The following WDR17 variants were observed in gnomAD, a reference collection of about 807,000 sequenced individuals.
WDR17 encodes WD repeat domain 17.
A neutral mutation model predicts 161.7 loss-of-function variants in WDR17; 143 were observed. The observed-to-expected ratio is 0.88, with a 90% confidence interval of 0.77 to 1.02. The LOEUF (loss-of-function observed/expected upper bound fraction) is 1.02, where lower values mean the gene tolerates loss of function less well. Ranked by LOEUF, WDR17 falls within the 50% of genes least tolerant of loss-of-function variation. The pLI is 0.00. For synonymous variants in WDR17, 517 were observed against 515.6 expected (o/e 1.00, Z -0.04); for missense variants, 1,469 against 1,520.9 (o/e 0.97, Z 0.57).
In WDR17 at chr4:176,148,478, G is replaced by A. The variant is rs932744487; in HGVS notation, c.1897+143G>A. The A allele has an allele frequency of 2.8e-5, 21 of 743,182 alleles. No individual in the cohort carries two copies. The African/African-American group carries it at 3.0e-4, about 11-fold the overall frequency. The allele number at this position is 743,182 out of a possible 1,614,324, so 46.0% of individuals were successfully genotyped here. ...ATTTTTCACATTAGAAAATATACAC[G>A]TTTATTATTATAATACCAGAATGTG... On this transcript the variant is annotated intron_variant, in intron 13 of 28. Transcript: ENST00000508596.
Position 176,125,269 on chromosome 4 carries a change from T to C in WDR17, c.704T>C (p.Ile235Thr), listed in dbSNP as rs2126736321. 1 of 1,614,158 alleles carries C rather than the reference T, an allele frequency of 6.2e-7. No homozygotes were observed. The highest frequency in any genetic ancestry group is 1.1e-5 in the South Asian group (1 of 91,076). ...RLVDSESLSC[I>T]TTFNLPSAAA... ...GTAGATTCTGAATCACTTTCTTGCA[T>C]AACAACATTTAATCTTCCCAGTGCA... The change falls in exon 5 of 29, where the codon ATA (isoleucine) becomes ACA (threonine). Residue 235 changes from isoleucine to threonine, a missense_variant. Physicochemically the swap from Ile to Thr is moderately conservative, Grantham distance 89 (BLOSUM62 -1). Transcript: ENST00000508596.
rs895586879 is a variant in WDR17 at position 176,179,932 on chromosome 4, C to T, written c.*353C>T. 1 of 152,544 alleles carries T rather than the reference C, an allele frequency of 6.6e-6. No homozygotes were observed. Among genetic ancestry groups the T allele is most frequent in the African/African-American group, 2.4e-5 (1 of 41,384 alleles). The allele number at this position is 152,544 out of a possible 1,614,324, so 9.4% of individuals were successfully genotyped here. On this transcript the variant is annotated 3_prime_UTR_variant, in exon 29 of 29. Transcript: ENST00000508596. ...TATTGAAACATATTAAATTGTGCAA[C>T]ACCTAGAATAGTGCTAGACATACAG...
chr4:176,170,316 C>CT (rs34343977), intron 23 of WDR17, among the ~76,000 whole-genome samples: 136 of 125,134 alleles, frequency 1.1e-3, no homozygotes, highest in Middle Eastern at 4.1e-3. Flanking sequence ...TTTCTTTTTT[C>CT]TTTTTTTTTT....
At chr4:176,085,622 C>G (rs968316611) in intron 1 of WDR17, among the ~76,000 whole-genome samples, 1 of 151,862 alleles carries the variant, frequency 6.6e-6, no homozygotes, top group South Asian at 2.1e-4. Flanking sequence ...TTTTTTATGT[C>G]AGTAAGTTCT....
At chr4:176,075,695 A>C (rs1379833120) in intron 1 of WDR17, among the ~76,000 whole-genome samples, 8 of 152,136 alleles carry the variant, frequency 5.3e-5, no homozygotes, top group Non-Finnish European at 7.4e-5. Flanking sequence ...CATGTATGAT[A>C]CTTTGGCAAA....
chr4:176,105,852 T>C (rs1738628806), intron 1 of WDR17, among the ~76,000 whole-genome samples: 1 of 151,066 alleles, frequency 6.6e-6, no homozygotes, highest in African/African-American at 2.4e-5. Flanking sequence ...AAGGATATAA[T>C]ATCTAAGCAG....
chr4:176,109,567 A>G (rs1421331827), intron 1 of WDR17, among the ~76,000 whole-genome samples: 1 of 152,212 alleles, frequency 6.6e-6, no homozygotes, highest in African/African-American at 2.4e-5. Context: ...GAATTGGAGA[A>G]GAGAAGAGGA....
chr4:176,144,368 A>T (rs1181695306), intron 11 of WDR17, among the ~76,000 whole-genome samples: 1 of 152,194 alleles, frequency 6.6e-6, no homozygotes, highest in Non-Finnish European at 1.5e-5. Flanking sequence ...CAACTACGTT[A>T]TCTGTGTTAA....
intron 5 of WDR17, 77 bp downstream of exon 5, chr4:176,125,432 T>C: frequency 6.6e-7 from 1 of 1,520,852 alleles, no homozygotes; most frequent in Non-Finnish European, 8.8e-7. Context: ...TTGTCCTTTA[T>C]AGGTTGATTT....
At chr4:176,150,687 G>C in intron 16 of WDR17, 94 bp downstream of exon 16, 1 of 1,267,128 alleles carries the variant, frequency 7.9e-7, no homozygotes, top group South Asian at 1.8e-5. Flanking sequence ...TATATGATTA[G>C]ATCGGTAGAT....
Position 176,139,850 on chromosome 4 carries a change from G to A in WDR17, c.1360-42G>A, listed in dbSNP as rs775129799. The A allele has an allele frequency of 8.1e-6, 12 of 1,483,704 alleles. No homozygotes were observed. The South Asian group carries it at 8.4e-5, about 10-fold the overall frequency. The allele number at this position is 1,483,704 out of a possible 1,614,324, so 91.9% of individuals were successfully genotyped here. On this transcript the variant is annotated intron_variant, in intron 9 of 28. Coordinates refer to ENST00000508596, the MANE Select transcript of WDR17 (RefSeq NM_181265.4). ...AGTAAATATATAAGAGAAAAAAGGG[G>A]TGAATTATTTCTTATTGATAGGTAT... is the stretch of plus-strand genomic sequence containing the variant.
chr4:176,107,032 T>A (rs915605288), intron 1 of WDR17, among the ~76,000 whole-genome samples: 1 of 152,140 alleles, frequency 6.6e-6, no homozygotes, highest in Non-Finnish European at 1.5e-5. Flanking sequence ...GTAAATCACA[T>A]ATCTGATATG....
intron 4 of WDR17, 74 bp downstream of exon 4, chr4:176,120,171 T>C (rs1741320014): frequency 8.6e-7 from 1 of 1,159,902 alleles, no homozygotes; most frequent in Non-Finnish European, 1.2e-6. Context: ...GCTTGGTCTT[T>C]CTAGTGACCA....
intron 16 of WDR17, among the ~76,000 whole-genome samples, chr4:176,151,405 A>C (rs1008227459): frequency 5.3e-5 from 8 of 152,102 alleles, no homozygotes; most frequent in Non-Finnish European, 8.8e-5. Flanking sequence ...CCCCACACAC[A>C]CCCCAAAATA....
chr4:176,089,919 A>G (rs1444849184), intron 1 of WDR17, among the ~76,000 whole-genome samples: 6 of 152,134 alleles, frequency 3.9e-5, no homozygotes, highest in Non-Finnish European at 8.8e-5. Flanking sequence ...CTGGAAATGA[A>G]GGTGTTCCAT....
At chr4:176,167,241 A>G (rs536608434) in intron 22 of WDR17, among the ~76,000 whole-genome samples, 9 of 152,308 alleles carry the variant, frequency 5.9e-5, no homozygotes, top group African/African-American at 1.9e-4. Flanking sequence ...AAGAAGATGA[A>G]GTGTAGGGTT....
chr4:176,071,348 A>G (rs1256184123), intron 1 of WDR17, among the ~76,000 whole-genome samples: 1 of 134,372 alleles, frequency 7.4e-6, no homozygotes, highest in South Asian at 2.4e-4. Flanking sequence ...TTTGAGACAG[A>G]GTCTCACTCT....
intron 1 of WDR17, among the ~76,000 whole-genome samples, chr4:176,088,618 T>C (rs1735718944): frequency 6.6e-6 from 1 of 152,172 alleles, no homozygotes; most frequent in Non-Finnish European, 1.5e-5. Flanking sequence ...ACATTTTCTG[T>C]GGTAATGGTA....
chr4:176,111,901 T>C (rs1739821194), intron 2 of WDR17, among the ~76,000 whole-genome samples, 198 bp downstream of exon 2: 1 of 152,180 alleles, frequency 6.6e-6, no homozygotes. Flanking sequence ...ATTAAATGAT[T>C]AGTAAATTTG....
Sources: allele counts gnomAD v4.1 joint callset (sites outside exome capture counted in the v4.1 genomes callset), GRCh38; gene constraint gnomAD v4.1.1; transcripts MANE v1.5; gene names NCBI Gene and HGNC (gene_info 2026-07-23, HGNC 2026-07-21).